CTNNA3: variants seen among roughly 807,000 people sequenced by gnomAD.
The protein encoded by CTNNA3 is catenin alpha 3, also known as catenin alpha-3.
A neutral mutation model predicts 95.7 loss-of-function variants in CTNNA3; 76 were observed. The observed-to-expected ratio is 0.79, with a 90% CI of 0.66 to 0.96. The LOEUF (loss-of-function observed/expected upper bound fraction) is 0.96. CTNNA3 is among the 40% of genes least tolerant of loss of function. The probability of loss-of-function intolerance (pLI) is 0.00; values close to 1 mark genes in which losing one functional copy is unlikely to be tolerated. For missense variants in CTNNA3, 1,191 were observed against 1,089.8 expected, an observed-to-expected ratio of 1.09 and a Z score of -1.31; for synonymous variants, 431 against 374.4, an observed-to-expected ratio of 1.15 and a Z score of -1.74.
intron 7 of CTNNA3, among the ~76,000 whole-genome samples, chr10:66,804,839 G>A (rs774353928): frequency 6.6e-6 from 1 of 152,030 alleles, no homozygotes; most frequent in Non-Finnish European, 1.5e-5. Context: ...TCTTATAAAG[G>A]CATGTTTGCA....
In CTNNA3 at chr10:67,123,214, AC is replaced by A. The variant is rs1335324118; in HGVS notation, c.1047+57102del. 2.0e-5 allele frequency among the ~76,000 whole-genome samples: 3 copies of A among 152,242 alleles called. No individual in the cohort carries two copies. In the East Asian group the frequency reaches 5.8e-4, roughly 29 times the overall value. ...AGTAGGCAAAAAGCTTTCTCTCCTT[AC>A]CCAGCATTCCTGAATAAAACTGATA... On this transcript the variant is annotated intron_variant, in intron 7 of 17. Transcript: ENST00000433211.
chr10:66,592,050 A>ATTGCTG (rs1843569723), intron 10 of CTNNA3, among the ~76,000 whole-genome samples: 1 of 149,806 alleles, frequency 6.7e-6, no homozygotes, highest in Non-Finnish European at 1.5e-5. Flanking sequence ...CTTTATAGTT[A>ATTGCTG]TTGCTGTTAA....
intron 11 of CTNNA3, among the ~76,000 whole-genome samples, chr10:66,450,744 C>T (rs1207768810): frequency 1.3e-5 from 2 of 152,096 alleles, no homozygotes; most frequent in African/African-American, 4.8e-5. Context: ...CTCATTTCCT[C>T]ACAAGCTAGA....
At chr10:67,120,002 T>C (rs1240215168) in intron 7 of CTNNA3, among the ~76,000 whole-genome samples, 1 of 151,830 alleles carries the variant, frequency 6.6e-6, no homozygotes, top group Non-Finnish European at 1.5e-5. Context: ...ATATCTTAGC[T>C]CTAGATAAAG....
intron 11 of CTNNA3, among the ~76,000 whole-genome samples, chr10:66,477,801 C>T (rs1315674250): frequency 6.6e-6 from 1 of 152,010 alleles, no homozygotes; most frequent in African/African-American, 2.4e-5. Flanking sequence ...GGGCAATTCT[C>T]AACCAGGATC....
chr10:67,550,373 T>C (rs1177437960), intron 3 of CTNNA3, among the ~76,000 whole-genome samples: 4 of 152,160 alleles, frequency 2.6e-5, no homozygotes, highest in African/African-American at 9.7e-5. Context: ...AGTGAAAAAC[T>C]ATACTGCAGG....
At chr10:66,906,223 T>C (rs998897679) in intron 7 of CTNNA3, among the ~76,000 whole-genome samples, 5 of 152,104 alleles carry the variant, frequency 3.3e-5, no homozygotes, top group Non-Finnish European at 7.4e-5. Context: ...CGAAGAGATA[T>C]TAGATATTAT....
intron 12 of CTNNA3, among the ~76,000 whole-genome samples, chr10:66,360,675 C>CGT (rs2092654396): frequency 1.1e-5 from 1 of 88,702 alleles, no homozygotes; most frequent in Non-Finnish European, 2.4e-5. Context: ...TCCTTCCTTC[C>CGT]TTCCTTCCTT....
At chr10:66,093,803 G>C (rs1367624689) in intron 14 of CTNNA3, among the ~76,000 whole-genome samples, 1 of 151,922 alleles carries the variant, frequency 6.6e-6, no homozygotes, top group Non-Finnish European at 1.5e-5. Context: ...AATACCCTAG[G>C]CTCAATATAT....
intron 17 of CTNNA3, among the ~76,000 whole-genome samples, chr10:65,952,435 C>G (rs959192906): frequency 6.6e-6 from 1 of 152,090 alleles, no homozygotes; most frequent in African/African-American, 2.4e-5. Context: ...TTTTATTCCT[C>G]CTCTTCTTGC....
chr10:66,502,944 GA>G (rs1429614838), intron 11 of CTNNA3, among the ~76,000 whole-genome samples: 2 of 147,260 alleles, frequency 1.4e-5, no homozygotes, highest in African/African-American at 2.5e-5. Flanking sequence ...GAAATTATCA[GA>G]TTTTTTTTAC....
intron 5 of CTNNA3, among the ~76,000 whole-genome samples, chr10:67,475,544 C>T (rs771596673): frequency 5.9e-5 from 9 of 152,102 alleles, no homozygotes; most frequent in Admixed American, 5.2e-4. Context: ...AAGACTATAT[C>T]CCTATAGTAC....
chr10:66,116,870 T>A (rs763180693), intron 13 of CTNNA3, among the ~76,000 whole-genome samples: 8 of 151,932 alleles, frequency 5.3e-5, no homozygotes, highest in Non-Finnish European at 1.0e-4. Flanking sequence ...AACAACCAGA[T>A]CTGGTGAGAA....
Position 67,244,295 on chromosome 10 carries a change from G to C in CTNNA3, c.580-24425C>G, listed in dbSNP as rs117003701. 4.7e-3 allele frequency among the ~76,000 whole-genome samples: 715 copies of C among 152,206 alleles called. 13 individuals are homozygous for C. In the East Asian group the frequency reaches 0.067, roughly 14 times the overall value. On this transcript the variant is annotated intron_variant, in intron 5 of 17. Transcript: ENST00000433211. ...CAGAACCTATTGCTTTGACTCTCAG[G>C]ATGTTCTAAAATATACCTAATTTCT...
At chr10:66,041,301 A>ATC (rs2079683205) in intron 15 of CTNNA3, among the ~76,000 whole-genome samples, 1 of 152,216 alleles carries the variant, frequency 6.6e-6, no homozygotes, top group Non-Finnish European at 1.5e-5. Context: ...GCCAAAGGAG[A>ATC]TATGGCAGCT....
chr10:66,449,571 C>G (rs867132130), intron 11 of CTNNA3, among the ~76,000 whole-genome samples: 1 of 151,838 alleles, frequency 6.6e-6, no homozygotes, highest in African/African-American at 2.4e-5. Flanking sequence ...CAAATGAGTG[C>G]CTTTGGAAAG....
intron 9 of CTNNA3, among the ~76,000 whole-genome samples, chr10:66,632,718 G>T (rs1845188223): frequency 6.6e-6 from 1 of 151,806 alleles, no homozygotes; most frequent in Admixed American, 6.6e-5. Flanking sequence ...AAAAAGGCTA[G>T]AATATATTAC....
chr10:67,618,320 C>T (rs548649439), intron 2 of CTNNA3, among the ~76,000 whole-genome samples: 194 of 152,290 alleles, frequency 1.3e-3, no homozygotes, highest in African/African-American at 4.5e-3. Context: ...CGTCCAGCCC[C>T]GCATTCCACT....
chr10:66,752,040 G>T (rs944883724), intron 9 of CTNNA3, among the ~76,000 whole-genome samples: 1 of 152,026 alleles, frequency 6.6e-6, no homozygotes, highest in Non-Finnish European at 1.5e-5. Flanking sequence ...CTAATATAAC[G>T]ATTCAATATG....
Sources: gnomAD v4.1 joint callset for allele counts (sites outside exome capture counted in the v4.1 genomes callset) on GRCh38, gnomAD v4.1.1 for gene constraint, MANE v1.5 for transcripts, NCBI Gene and HGNC (gene_info 2026-07-23, HGNC 2026-07-21) for gene names.